Variants in RPH3A observed in about 807,000 individuals in gnomAD.
RPH3A encodes rabphilin 3A, also known as rabphilin-3A.
A neutral mutation model predicts 102.2 loss-of-function variants in RPH3A; 48 were observed. The observed-to-expected ratio is 0.47, with a 90% CI of 0.37 to 0.60. The LOEUF is 0.60. Ranked by LOEUF, RPH3A falls within the 20% of genes least tolerant of loss-of-function variation. The pLI, the probability that RPH3A is intolerant of heterozygous loss-of-function variation, is 0.00. For missense variants in RPH3A, 781 were observed against 910.1 expected (o/e 0.86, Z 1.83); for synonymous variants, 310 against 324.3 (o/e 0.96, Z 0.47).
At chr12:112,660,618 G>A (rs1232528771) in intron 1 of RPH3A, among the ~76,000 whole-genome samples, 1 of 152,164 alleles carries the variant, frequency 6.6e-6, no homozygotes, top group Non-Finnish European at 1.5e-5. Context: ...CCAGCAGTTT[G>A]AGGCTATACT....
intron 1 of RPH3A, among the ~76,000 whole-genome samples, chr12:112,773,964 C>A (rs977312679): frequency 6.6e-6 from 1 of 150,652 alleles, no homozygotes; most frequent in Non-Finnish European, 1.5e-5. Flanking sequence ...TGCCTGTAAT[C>A]CCAGCTACTA....
intron 1 of RPH3A, among the ~76,000 whole-genome samples, chr12:112,687,296 C>A (rs942920836): frequency 1.3e-5 from 2 of 152,168 alleles, no homozygotes; most frequent in Non-Finnish European, 2.9e-5. Context: ...TCTTCTCTAG[C>A]CTCTTCAGCA....
intron 1 of RPH3A, among the ~76,000 whole-genome samples, chr12:112,773,778 T>C (rs11837354): frequency 0.017 from 2,543 of 152,124 alleles, 72 homozygotes; most frequent in African/African-American, 0.058. Context: ...ACAAGAATGC[T>C]TTGTAAAGAA....
intron 2 of RPH3A, among the ~76,000 whole-genome samples, chr12:112,822,678 A>G (rs1472771454): frequency 6.6e-6 from 1 of 152,218 alleles, no homozygotes; most frequent in Non-Finnish European, 1.5e-5. Context: ...TCCAGTGCTT[A>G]TTATTAGACG....
intron 2 of RPH3A, among the ~76,000 whole-genome samples, chr12:112,804,836 A>G (rs2041426376): frequency 6.6e-6 from 1 of 152,192 alleles, no homozygotes; most frequent in Admixed American, 6.5e-5. Context: ...TCATTATTTC[A>G]TAGCAGCCAA....
rs371362910 is a variant in RPH3A, at chr12:112,631,695, A to AT, written c.-140+56385dup. ...ATGCCACCGCACCTGCTAATTTGTA[A>AT]TTTTTTTTTGTAGAGATGGGCTCTC... On this transcript the variant is annotated intron_variant, in intron 1 of 21. Transcript: ENST00000543106. Among the ~76,000 whole-genome samples, 588 of 150,126 alleles carry AT rather than the reference A, an allele frequency of 3.9e-3. 6 individuals are homozygous for AT. The highest frequency in any genetic ancestry group is 0.013 in the East Asian group (65 of 5,078).
chr12:112,850,107 G>A (rs113359509), intron 5 of RPH3A, among the ~76,000 whole-genome samples: 4,199 of 152,242 alleles, frequency 0.028, 222 homozygotes, highest in African/African-American at 0.096. Context: ...TGCACAGTCA[G>A]GGAGATCTGG....
chr12:112,640,290 A>C (rs1270587796), intron 1 of RPH3A, among the ~76,000 whole-genome samples: 3 of 132,186 alleles, frequency 2.3e-5, no homozygotes, highest in African/African-American at 5.8e-5. Context: ...GCACCATTGC[A>C]CTCCAGCCTG....
At chr12:112,809,671 A>G (rs116141532) in intron 2 of RPH3A, among the ~76,000 whole-genome samples, 1 of 152,190 alleles carries the variant, frequency 6.6e-6, no homozygotes, top group African/African-American at 2.4e-5. Flanking sequence ...TATAACCAGC[A>G]TTTTCCAGAC....
chr12:112,648,629 C>T (rs1178448896), intron 1 of RPH3A, among the ~76,000 whole-genome samples: 1 of 130,278 alleles, frequency 7.7e-6, no homozygotes, highest in Admixed American at 8.9e-5. Context: ...TCTGTAGTCC[C>T]AGCTACTCAA....
chr12:112,818,307 TAAAAA>T (rs745954372), intron 2 of RPH3A, among the ~76,000 whole-genome samples: 3 of 43,818 alleles, frequency 6.8e-5, no homozygotes, highest in East Asian at 1.4e-3. Context: ...TCAAGAAGAA[TAAAAA>T]AAAAAAAAAA....
intron 20 of RPH3A, chr12:112,895,499 G>A (rs1282117496): frequency 5.6e-6 from 2 of 358,234 alleles, no homozygotes; most frequent in Non-Finnish European, 1.0e-5. Flanking sequence ...TACCTACAAG[G>A]AAACTTGAGC....
intron 17 of RPH3A, among the ~76,000 whole-genome samples, chr12:112,888,591 C>G (rs1384978459): frequency 6.6e-6 from 1 of 152,196 alleles, no homozygotes; most frequent in Non-Finnish European, 1.5e-5. Context: ...GATGTCTCAT[C>G]TGTAAAATGG....
chr12:112,663,635 G>A (rs530888102), intron 1 of RPH3A, among the ~76,000 whole-genome samples: 16 of 152,168 alleles, frequency 1.1e-4, no homozygotes, highest in African/African-American at 3.6e-4. Context: ...GGGATTACAG[G>A]CATGAGCCAC....
intron 1 of RPH3A, among the ~76,000 whole-genome samples, chr12:112,677,250 A>G (rs1451831472): frequency 6.6e-6 from 1 of 152,158 alleles, no homozygotes; most frequent in African/African-American, 2.4e-5. Context: ...GTAATGGTGA[A>G]AACAAAAATA....
rs796732169 is a variant in RPH3A, at chr12:112,678,289, GAAAGAAAGAA to G, written c.-140+102972_-140+102981del. The stretch of plus-strand genomic sequence containing the variant: ...AGAAAGAAAGAAAGAAAGAAAGAAA[GAAAGAAAGAA>G]AGAAAGAGAGAGAGAGAGAAAGAAA... On this transcript the variant is annotated intron_variant, in intron 1 of 21. Coordinates refer to the RPH3A transcript ENST00000543106. 1.7e-3 allele frequency among the ~76,000 whole-genome samples: 141 copies of G among 84,678 alleles called. 14 individuals are homozygous for G. Among genetic ancestry groups the G allele is most frequent in the African/African-American group, 3.5e-3 (50 of 14,172 alleles). The allele number at this position is 84,678 out of a possible 152,430, so 55.6% of individuals were successfully genotyped here.
At chr12:112,818,581 A>G (rs1355501614) in intron 2 of RPH3A, among the ~76,000 whole-genome samples, 1 of 152,176 alleles carries the variant, frequency 6.6e-6, no homozygotes, top group African/African-American at 2.4e-5. Flanking sequence ...AGTTCCAGCA[A>G]AAGACCAACT....
intron 1 of RPH3A, among the ~76,000 whole-genome samples, chr12:112,678,303 A>AAGAAAGAGAGAGAG (rs1555283199): frequency 2.0e-5 from 1 of 50,198 alleles, no homozygotes; most frequent in Admixed American, 2.0e-4. Context: ...GAAAGAAAGA[A>AAGAAAGAGAGAGAG]AGAGAGAGAG....
chr12:112,621,900 C>T (rs1158640078), intron 1 of RPH3A, among the ~76,000 whole-genome samples: 1 of 150,834 alleles, frequency 6.6e-6, no homozygotes, highest in Non-Finnish European at 1.5e-5. Context: ...GTCCCTGACC[C>T]CTGACCCCTG....
Sources: gnomAD v4.1 joint callset for allele counts (sites outside exome capture counted in the v4.1 genomes callset) on GRCh38, gnomAD v4.1.1 for gene constraint, MANE v1.5 for transcripts, NCBI Gene and HGNC (gene_info 2026-07-23, HGNC 2026-07-21) for gene names.